The following GPC5 variants were observed in gnomAD, a reference collection of about 807,000 sequenced individuals.
GPC5 encodes glypican 5.
In GPC5, 47 loss-of-function variants were observed where a neutral mutation model predicts 53.9. The observed-to-expected ratio is 0.87, with a 90% CI of 0.69 to 1.11. The LOEUF (loss-of-function observed/expected upper bound fraction) is 1.11. Among genes scored for constraint, GPC5 ranks in the 50% most tolerant of loss-of-function variants. GPC5 has a pLI of 0.00. For synonymous variants in GPC5, 286 were observed against 263.3 expected (o/e 1.09, Z -0.84); for missense variants, 748 against 713.1 (o/e 1.05, Z -0.56).
intron 7 of GPC5, among the ~76,000 whole-genome samples, chr13:92,186,580 C>T (rs1051371730): frequency 2.7e-5 from 4 of 149,394 alleles, no homozygotes; most frequent in Non-Finnish European, 5.9e-5. Context: ...TTACTCTCAT[C>T]GGCAAAAACA....
intron 7 of GPC5, among the ~76,000 whole-genome samples, chr13:92,383,057 A>G (rs539903775): frequency 6.6e-6 from 1 of 151,830 alleles, no homozygotes; most frequent in South Asian, 2.1e-4. Context: ...ATACTTTCAT[A>G]ATTGCAAGAT....
chr13:91,651,160 C>T (rs1412477323), intron 2 of GPC5, among the ~76,000 whole-genome samples: 1 of 151,974 alleles, frequency 6.6e-6, no homozygotes, highest in African/African-American at 2.4e-5. Context: ...ATGTAAGTAC[C>T]CCAAAAATGC....
intron 7 of GPC5, among the ~76,000 whole-genome samples, chr13:92,469,681 T>C (rs2139420151): frequency 6.6e-6 from 1 of 152,220 alleles, no homozygotes; most frequent in African/African-American, 2.4e-5. Flanking sequence ...AAAAATTTGT[T>C]TAATTGAACT....
intron 6 of GPC5, among the ~76,000 whole-genome samples, chr13:91,953,641 A>C (rs1480614076): frequency 1.3e-5 from 2 of 152,206 alleles, no homozygotes; most frequent in African/African-American, 4.8e-5. Flanking sequence ...GTTAGCTTAT[A>C]AACAAAATAA....
At chr13:91,986,108 C>T (rs982641024) in intron 6 of GPC5, among the ~76,000 whole-genome samples, 3 of 133,410 alleles carry the variant, frequency 2.2e-5, no homozygotes, top group African/African-American at 8.7e-5. Flanking sequence ...CTGTGTCGCC[C>T]AGGCTGGAGT....
At chr13:92,484,995 C>G (rs1879502097) in intron 7 of GPC5, among the ~76,000 whole-genome samples, 2 of 152,084 alleles carry the variant, frequency 1.3e-5, no homozygotes, top group African/African-American at 4.8e-5. Flanking sequence ...CTCGGCCTCC[C>G]AAAGTGCCAG....
intron 7 of GPC5, among the ~76,000 whole-genome samples, chr13:92,590,255 A>G (rs1430375621): frequency 6.6e-6 from 1 of 152,136 alleles, no homozygotes; most frequent in African/African-American, 2.4e-5. Context: ...AGGGCCATGG[A>G]AGCATGCACT....
intron 2 of GPC5, among the ~76,000 whole-genome samples, chr13:91,615,826 C>T (rs2033680644): frequency 6.6e-6 from 1 of 152,110 alleles, no homozygotes; most frequent in Admixed American, 6.6e-5. Flanking sequence ...TAAACTCATC[C>T]TAACATGTTC....
Position 92,195,067 on chromosome 13 carries a change from C to T in GPC5, c.1561+50078C>T, listed in dbSNP as rs772391089. Reference sequence around the variant, plus strand: ...TTAGAAAGGCATAAATTGAAACCAACGATAAGAATTGACAATGAATCTGAA... The same window carrying T: ...TTAGAAAGGCATAAATTGAAACCAATGATAAGAATTGACAATGAATCTGAA... On this transcript the variant is annotated intron_variant, in intron 7 of 7. Transcript: ENST00000377067. Among the ~76,000 whole-genome samples, 109 of 152,098 alleles carry T rather than the reference C, an allele frequency of 7.2e-4. 1 individual carries two copies. Among genetic ancestry groups the T allele is most frequent in the African/African-American group, 2.3e-3 (94 of 41,424 alleles).
chr13:91,571,765 A>ATGTGTATATACACACACATATACGTGTG (rs2031797488), intron 2 of GPC5, among the ~76,000 whole-genome samples: 1 of 67,694 alleles, frequency 1.5e-5, no homozygotes, highest in Non-Finnish European at 2.5e-5. Context: ...ATACATGTGT[A>ATGTGTATATACACACACATATACGTGTG]TGTGTATATA....
intron 7 of GPC5, among the ~76,000 whole-genome samples, chr13:92,520,501 G>T (rs1200472504): frequency 1.3e-5 from 2 of 151,996 alleles, no homozygotes; most frequent in Admixed American, 6.6e-5. Flanking sequence ...ACATAATCCA[G>T]CATATAAACA....
chr13:91,891,635 A>G (rs532679199), intron 5 of GPC5, among the ~76,000 whole-genome samples: 2 of 152,286 alleles, frequency 1.3e-5, no homozygotes, highest in East Asian at 3.9e-4. Context: ...GCTATACACT[A>G]CCAAAAGCTT....
chr13:92,667,562 G>C (rs903101741), intron 7 of GPC5, among the ~76,000 whole-genome samples: 2 of 151,990 alleles, frequency 1.3e-5, no homozygotes, highest in Admixed American at 1.3e-4. Context: ...AATTAAGAAA[G>C]GATGGATCTT....
At chr13:92,700,769 G>A (rs1887709328) in intron 7 of GPC5, among the ~76,000 whole-genome samples, 1 of 152,084 alleles carries the variant, frequency 6.6e-6, no homozygotes, top group African/African-American at 2.4e-5. Context: ...TTTGACAGAT[G>A]TGTTTTCTTG....
At chr13:92,381,370 A>T (rs567262366) in intron 7 of GPC5, among the ~76,000 whole-genome samples, 1 of 152,310 alleles carries the variant, frequency 6.6e-6, no homozygotes, top group South Asian at 2.1e-4. Context: ...TGGATAGATG[A>T]ACATTAGAAA....
chr13:92,722,050 T>C (rs72641066), intron 7 of GPC5, among the ~76,000 whole-genome samples: 1 of 152,020 alleles, frequency 6.6e-6, no homozygotes, highest in Admixed American at 6.6e-5. Context: ...CTTTTGCCTA[T>C]ATATCTCAGT....
In GPC5 at chr13:91,553,055, TTG is replaced by T. The variant is rs1347694408; in HGVS notation, c.325+104137_325+104138del. 1.4e-4 allele frequency among the ~76,000 whole-genome samples: 22 copies of T among 152,210 alleles called. No homozygotes were observed. The East Asian group carries it at 1.9e-3, about 13-fold the overall frequency. The stretch of plus-strand genomic sequence containing the variant: ...AAATAATAGTGAATATTACAGTTAA[TTG>T]TGTCTTTGATTTGATGAAATATGGT... On this transcript the variant is annotated intron_variant, in intron 2 of 7. Coordinates refer to ENST00000377067, the MANE Select transcript of GPC5 (RefSeq NM_004466.6).
chr13:91,639,604 A>G (rs11839103), intron 2 of GPC5, among the ~76,000 whole-genome samples: 2,587 of 152,076 alleles, frequency 0.017, 66 homozygotes, highest in African/African-American at 0.059. Flanking sequence ...ATTTTTTTCT[A>G]ACTTCAATTG....
intron 7 of GPC5, among the ~76,000 whole-genome samples, chr13:92,535,385 A>G (rs1310109532): frequency 2.6e-5 from 4 of 152,132 alleles, no homozygotes; most frequent in African/African-American, 9.7e-5. Context: ...AGAGGCTTTC[A>G]TCAGGCGCCG....
Sources: allele counts gnomAD v4.1 joint callset (sites outside exome capture counted in the v4.1 genomes callset), GRCh38; gene constraint gnomAD v4.1.1; transcripts MANE v1.5; gene names NCBI Gene and HGNC (gene_info 2026-07-23, HGNC 2026-07-21).